Variants in C17orf107 observed in about 807,000 individuals in gnomAD.
The protein encoded by C17orf107 is uncharacterized protein C17orf107.
In C17orf107, 9 loss-of-function variants were observed where a neutral mutation model predicts 8.9. That is an observed-to-expected ratio of 1.02 (90% CI 0.61 to 1.77). The LOEUF (loss-of-function observed/expected upper bound fraction) is 1.77, where lower values mean the gene tolerates loss of function less well. Among genes scored for constraint, C17orf107 ranks in the 40% most tolerant of loss-of-function variants. The pLI is 0.00. For missense variants in C17orf107, 281 were observed against 249.0 expected, an observed-to-expected ratio of 1.13 and a Z score of -0.86; for synonymous variants, 139 against 120.3, an observed-to-expected ratio of 1.16 and a Z score of -1.02.
At position 4,902,733 on chromosome 17, in the gene C17orf107, C is replaced by G. The variant is rs188661284; in HGVS notation, c.*2200C>G. 3 of 1,613,900 alleles carry G rather than the reference C, an allele frequency of 1.9e-6. No individual in the cohort carries two copies. The highest frequency in any genetic ancestry group is 1.7e-5 in the Admixed American group (1 of 59,992). ...GTTGTTGAAGAGATGGTGATAAAGA[C>G]GCAGTTCCTCGTTCTTCCCCACACC... On this transcript the variant is annotated 3_prime_UTR_variant, in exon 3 of 3. Transcript: ENST00000381365. The surrounding 1 kb of genome is among the most constrained non-coding windows in gnomAD (Gnocchi z 4.0).
downstream of C17orf107, chr17:4,902,963 C>T (rs1466833449): frequency 1.2e-6 from 2 of 1,609,388 alleles, no homozygotes; most frequent in Admixed American, 1.7e-5. This position sits in a 1 kb window ranked among gnomAD's most constrained non-coding sequence, Gnocchi z 4.0. Flanking sequence ...TCTTCCCAGT[C>T]CCTTCATGTC....
rs1969960127 is a variant in C17orf107, at chr17:4,900,882, G to A, written c.*349G>A. 1 of 1,614,196 alleles carries A rather than the reference G, an allele frequency of 6.2e-7. No homozygotes were observed. The highest frequency in any genetic ancestry group is 8.5e-7 in the Non-Finnish European group (1 of 1,180,004). On this transcript the variant is annotated 3_prime_UTR_variant, in exon 3 of 3. Transcript: ENST00000381365. ...CGGTCTGGGCGAGCAGGACGTTGAT[G>A]GAGACCGTGCATTTCTGGCCGCCGG...
chr17:4,901,884 G>GGCCCC lies in C17orf107; in HGVS notation c.*1351_*1352insGCCCC. ...TTCCCGGTTGGCCCCGCCCCATAAGGCCCCCCCCCAACAATAATCGTCCGG... is the reference window on the plus strand; with the variant it reads ...TTCCCGGTTGGCCCCGCCCCATAAGGGCCCCCCCCCCCCCAACAATAATCGTCCGG... On this transcript the variant is annotated 3_prime_UTR_variant, in exon 3 of 3. Transcript: ENST00000381365. The GGCCCC allele has an allele frequency of 1.3e-6, 2 of 1,526,262 alleles. No individual in the cohort carries two copies. Among genetic ancestry groups the GGCCCC allele is most frequent in the Non-Finnish European group, 1.8e-6 (2 of 1,111,204 alleles). 94.5% of individuals were successfully genotyped at this position (1,526,262 alleles called of 1,614,324 possible).
At position 4,899,809 on chromosome 17, in the gene C17orf107, A is replaced by C. The variant is rs1217573367; in HGVS notation, c.47A>C (p.His16Pro). The C allele has an allele frequency of 6.4e-7, 1 of 1,551,014 alleles. No individual in the cohort carries two copies. The highest frequency in any genetic ancestry group is 2.4e-5 in the East Asian group (1 of 40,896). Residue 16 changes from histidine (H) to proline (P), a missense_variant, in exon 1 of 3, where the codon CAC becomes CCC. Coordinates refer to ENST00000381365, the MANE Select transcript of C17orf107 (RefSeq NM_001145536.2). ...SSLDTLMWIYHFHSSTEVALQ... is the reference protein window; with the variant it reads ...SSLDTLMWIYPFHSSTEVALQ... ...CTGGACACCCTGATGTGGATCTACC[A>C]CTTCCACAGCTCCACCGAGGTGAGG...
chr17:4,902,270 G>A lies in C17orf107; in HGVS notation c.*1737G>A, dbSNP rs768916373. 6.2e-7 allele frequency: 1 copy of A among 1,614,168 alleles called. No homozygotes were observed. Among genetic ancestry groups the A allele is most frequent in the South Asian group, 1.1e-5 (1 of 91,078 alleles). The stretch of plus-strand genomic sequence containing the variant: ...ACACGAGTTCTGAAGGGACTCGCAG[G>A]GTTTCTATACCCCCAAAGTCGTCCT... On this transcript the variant is annotated 3_prime_UTR_variant, in exon 3 of 3. Transcript: ENST00000381365. The surrounding 1 kb of genome is among the most constrained non-coding windows in gnomAD (Gnocchi z 4.0).
Position 4,899,829 on chromosome 17 carries a change from G to A in C17orf107, c.66+1G>A, listed in dbSNP as rs1204932649. On this transcript the variant is annotated splice_donor_variant, in intron 1 of 2. Transcript: ENST00000381365. LOFTEE classifies it high-confidence loss of function. The stretch of plus-strand genomic sequence containing the variant: ...CTACCACTTCCACAGCTCCACCGAG[G>A]TGAGGCTACGCCCGCCAAGGGCTGC... The A allele has an allele frequency of 1.9e-6, 3 of 1,551,158 alleles. No individual in the cohort carries two copies. Among genetic ancestry groups the A allele is most frequent in the South Asian group, 2.4e-5 (2 of 84,046 alleles).
At chr17:4,903,528 T>C (rs1970046449), downstream of C17orf107, among the ~76,000 whole-genome samples, 1 of 152,168 alleles carries the variant, frequency 6.6e-6, no homozygotes, top group African/African-American at 2.4e-5. Flanking sequence ...AAGCTCACAA[T>C]GCCTTTCTTG....
rs765036915 is a variant in C17orf107 at position 4,902,408 on chromosome 17, G to A, written c.*1875G>A. The stretch of plus-strand genomic sequence containing the variant: ...GGGAGGGGTTTGGGGGAAAAGGGGT[G>A]CCCTGGACAAGACCTCACACCATTC... On this transcript the variant is annotated 3_prime_UTR_variant, in exon 3 of 3. Coordinates refer to ENST00000381365, the MANE Select transcript of C17orf107 (RefSeq NM_001145536.2). This position sits in a 1 kb window ranked among gnomAD's most constrained non-coding sequence, Gnocchi z 4.0. 2.5e-6 allele frequency: 4 copies of A among 1,613,926 alleles called. No homozygotes were observed. Among genetic ancestry groups the A allele is most frequent in the South Asian group, 2.2e-5 (2 of 91,078 alleles).
downstream of C17orf107, among the ~76,000 whole-genome samples, chr17:4,906,056 C>T (rs1970089434): frequency 6.6e-6 from 1 of 152,216 alleles, no homozygotes; most frequent in Admixed American, 6.5e-5. Flanking sequence ...CCCCTTTCTA[C>T]TGTGTAGTTT....
Position 4,901,081 on chromosome 17 carries a change from G to A in C17orf107, c.*548G>A, listed in dbSNP as rs1284199369. On this transcript the variant is annotated 3_prime_UTR_variant, in exon 3 of 3. Coordinates refer to ENST00000381365, the MANE Select transcript of C17orf107 (RefSeq NM_001145536.2). ...TAATGACGTAGAAGAGCGGCTTCCG[G>A]CGGATGATGAGCGAGTAGATGACGT... 6 of 1,613,804 alleles carry A rather than the reference G, an allele frequency of 3.7e-6. No homozygotes were observed. Among genetic ancestry groups the A allele is most frequent in the Non-Finnish European group, 5.1e-6 (6 of 1,179,982 alleles).
rs760314762 is a variant in C17orf107 at position 4,900,915 on chromosome 17, G to A, written c.*382G>A. On this transcript the variant is annotated 3_prime_UTR_variant, in exon 3 of 3. Transcript: ENST00000381365. ...TGCATTTCTGGCCGCCGGCTGGAGG[G>A]AGAGCCAGTGAGAGCGGGCCCCGCC... The A allele has an allele frequency of 3.1e-6, 5 of 1,614,012 alleles. No individual in the cohort carries two copies. The East Asian group carries it at 8.9e-5, about 29-fold the overall frequency.
At position 4,901,888 on chromosome 17, in the gene C17orf107, C is replaced by G; in HGVS notation, c.*1355C>G. ...CGGTTGGCCCCGCCCCATAAGGCCCCCCCCCAACAATAATCGTCCGGGCCT... is the reference window on the plus strand; with the variant it reads ...CGGTTGGCCCCGCCCCATAAGGCCCGCCCCCAACAATAATCGTCCGGGCCT... On this transcript the variant is annotated 3_prime_UTR_variant, in exon 3 of 3. Transcript: ENST00000381365. The G allele has an allele frequency of 1.3e-6, 2 of 1,597,948 alleles. No individual in the cohort carries two copies. Among genetic ancestry groups the G allele is most frequent in the Non-Finnish European group, 8.6e-7 (1 of 1,167,410 alleles).
At position 4,900,958 on chromosome 17, in the gene C17orf107, G is replaced by A. The variant is rs1597619045; in HGVS notation, c.*425G>A. On this transcript the variant is annotated 3_prime_UTR_variant, in exon 3 of 3. Coordinates refer to ENST00000381365, the MANE Select transcript of C17orf107 (RefSeq NM_001145536.2). ...GCCCCGCCTCCCGGGAGCGAGCCCG[G>A]GTTTGGGGGTAGGTTCGGGGCCACT... 6.2e-7 allele frequency: 1 copy of A among 1,613,998 alleles called. No homozygotes were observed. The highest frequency in any genetic ancestry group is 2.2e-5 in the East Asian group (1 of 44,878).
At chr17:4,903,014 G>C, downstream of C17orf107, 2 of 1,613,986 alleles carry the variant, frequency 1.2e-6, no homozygotes, top group Non-Finnish European at 1.7e-6. Flanking sequence ...GCCCCTGTCC[G>C]TACCGAGAAG....
downstream of C17orf107, among the ~76,000 whole-genome samples, chr17:4,906,678 C>A (rs1970096116): frequency 6.6e-6 from 1 of 151,868 alleles, no homozygotes; most frequent in South Asian, 2.1e-4. Context: ...TATAGTGAGA[C>A]CTCATCTGTA....
rs754577734 is a variant in C17orf107, at chr17:4,901,586, A to G, written c.*1053A>G. The G allele has an allele frequency of 1.9e-6, 3 of 1,614,166 alleles. No homozygotes were observed. Among genetic ancestry groups the G allele is most frequent in the Non-Finnish European group, 2.5e-6 (3 of 1,180,010 alleles). ...TGGTCTTGCCGTCGTTGTCTACGGCAAAAGTGAACTCCACCTCTTCGGCAT... is the reference window on the plus strand; with the variant it reads ...TGGTCTTGCCGTCGTTGTCTACGGCGAAAGTGAACTCCACCTCTTCGGCAT... On this transcript the variant is annotated 3_prime_UTR_variant, in exon 3 of 3. Coordinates refer to ENST00000381365, the MANE Select transcript of C17orf107 (RefSeq NM_001145536.2).
Position 4,901,101 on chromosome 17 carries a change from T to A in C17orf107, c.*568T>A, listed in dbSNP as rs1226552673. The A allele has an allele frequency of 6.2e-7, 1 of 1,613,560 alleles. No homozygotes were observed. The highest frequency in any genetic ancestry group is 2.2e-5 in the East Asian group (1 of 44,836). ...TTCCGGCGGATGATGAGCGAGTAGA[T>A]GACGTCAGTCTCCCCTGGGCCGTCG... On this transcript the variant is annotated 3_prime_UTR_variant, in exon 3 of 3. Transcript: ENST00000381365.
rs1969945049 is a variant in C17orf107 at position 4,900,476 on chromosome 17, G to T, written c.516G>T (p.Gln172His). ...CCTCATTCCTGCGACAGTCGCAACA[G>T]CAGCTAGGCCTCGGAATCCCCGGAG... ...GSASFLRQSQQQLGLGIPGEP... is the reference protein window; with the variant it reads ...GSASFLRQSQHQLGLGIPGEP... Residue 172 changes from glutamine (Q) to histidine (H), a missense_variant, in exon 3 of 3, where the codon CAG (glutamine) becomes CAT (histidine). Coordinates refer to ENST00000381365, the MANE Select transcript of C17orf107 (RefSeq NM_001145536.2). The T allele has an allele frequency of 6.4e-7, 1 of 1,551,018 alleles. No homozygotes were observed. Among genetic ancestry groups the T allele is most frequent in the Admixed American group, 2.0e-5 (1 of 50,994 alleles).
intron 1 of C17orf107, 39 bp downstream of exon 1, chr17:4,899,867 T>C: frequency 1.3e-6 from 2 of 1,544,776 alleles, no homozygotes; most frequent in East Asian, 2.4e-5. Flanking sequence ...CTCGAGACCT[T>C]CTGGGTAGGT....
Sources: allele counts gnomAD v4.1 joint callset (sites outside exome capture counted in the v4.1 genomes callset), GRCh38; gene constraint gnomAD v4.1.1; non-coding constraint Gnocchi (gnomAD v3.1); transcripts MANE v1.5; gene names NCBI Gene and HGNC (gene_info 2026-07-23, HGNC 2026-07-21).